Variants in ATP8A2 observed in about 807,000 individuals in gnomAD.
The protein encoded by ATP8A2 is phospholipid-transporting ATPase IB.
ATP8A2 carries 100 observed loss-of-function variants against 165.6 expected under a neutral mutation model. The observed-to-expected ratio is 0.60, with a 90% CI of 0.51 to 0.71. The LOEUF (loss-of-function observed/expected upper bound fraction) is 0.71. ATP8A2 is among the 30% of genes least tolerant of loss of function. ATP8A2 has a pLI of 0.00. For synonymous variants in ATP8A2, 543 were observed against 548.8 expected (o/e 0.99, Z 0.15); for missense variants, 1,227 against 1,479.5 (o/e 0.83, Z 2.80).
At chr13:25,950,067 A>C (rs899939667) in intron 33 of ATP8A2, among the ~76,000 whole-genome samples, 1 of 152,134 alleles carries the variant, frequency 6.6e-6, no homozygotes. Context: ...CCCAAAGTGC[A>C]GGGATTACAG....
At chr13:25,583,932 C>T (rs770035509) in intron 23 of ATP8A2, among the ~76,000 whole-genome samples, 4 of 152,150 alleles carry the variant, frequency 2.6e-5, no homozygotes, top group African/African-American at 9.7e-5. Flanking sequence ...TCTCCAAGAC[C>T]GCTAGAAGAT....
intron 23 of ATP8A2, among the ~76,000 whole-genome samples, chr13:25,582,174 G>A (rs988651180): frequency 1.3e-5 from 2 of 152,214 alleles, no homozygotes; most frequent in East Asian, 3.8e-4. Flanking sequence ...AAAAGAATTA[G>A]ACACACTTAC....
At chr13:25,804,569 A>G (rs1018793145) in intron 27 of ATP8A2, among the ~76,000 whole-genome samples, 3 of 152,182 alleles carry the variant, frequency 2.0e-5, no homozygotes, top group African/African-American at 7.2e-5. Flanking sequence ...TCTTATTGGT[A>G]CCTCTACACA....
intron 2 of ATP8A2, among the ~76,000 whole-genome samples, chr13:25,528,051 C>G (rs1053595076): frequency 6.6e-6 from 1 of 152,176 alleles, no homozygotes; most frequent in Non-Finnish European, 1.5e-5. Flanking sequence ...ATTTTGTCCT[C>G]TAAGCCATAG....
intron 27 of ATP8A2, among the ~76,000 whole-genome samples, chr13:25,777,214 T>C (rs1008130383): frequency 6.6e-6 from 1 of 152,212 alleles, no homozygotes; most frequent in African/African-American, 2.4e-5. Flanking sequence ...TATTTAGTAT[T>C]TCTCGGGGAT....
intron 1 of ATP8A2, among the ~76,000 whole-genome samples, chr13:25,450,634 C>T (rs956413177): frequency 1.2e-4 from 18 of 152,106 alleles, no homozygotes; most frequent in Non-Finnish European, 1.8e-4. Context: ...CGGGTTCACG[C>T]CATTCTCCTG....
rs533087178 is a variant in ATP8A2 at position 25,598,951 on chromosome 13, T to TA, written c.2211+9254dup. Among the ~76,000 whole-genome samples, 65 of 152,316 alleles carry TA rather than the reference T, an allele frequency of 4.3e-4. No homozygotes were observed. In the East Asian group the frequency reaches 9.5e-3, roughly 22 times the overall value. On this transcript the variant is annotated intron_variant, in intron 24 of 36. Coordinates refer to ENST00000381655, the MANE Select transcript of ATP8A2 (RefSeq NM_016529.6). ...GTTATAACCTGTTGGTGCTGCTGCC[T>TA]AAGACCCCAAGTGTTCCCTATGGTT...
At chr13:25,844,158 C>G (rs376525227) in intron 30 of ATP8A2, among the ~76,000 whole-genome samples, 3 of 151,824 alleles carry the variant, frequency 2.0e-5, no homozygotes, top group African/African-American at 7.3e-5. Context: ...ACCAGAGGAC[C>G]AGGATATGTC....
intron 26 of ATP8A2, among the ~76,000 whole-genome samples, chr13:25,769,521 A>G (rs138320865): frequency 6.6e-6 from 1 of 152,330 alleles, no homozygotes; most frequent in East Asian, 1.9e-4. Context: ...CTTGCTAATA[A>G]TAACCTCTCA....
chr13:25,613,333 A>G (rs1593650210), intron 24 of ATP8A2, among the ~76,000 whole-genome samples: 1 of 152,210 alleles, frequency 6.6e-6, no homozygotes, highest in Non-Finnish European at 1.5e-5. Flanking sequence ...CTGTAATCCC[A>G]GCACTTTGGA....
At chr13:25,731,982 C>A (rs1164945746) in intron 25 of ATP8A2, among the ~76,000 whole-genome samples, 1 of 152,160 alleles carries the variant, frequency 6.6e-6, no homozygotes, top group African/African-American at 2.4e-5. Flanking sequence ...GGCAGTGTGT[C>A]CTCTTTTTCA....
intron 2 of ATP8A2, among the ~76,000 whole-genome samples, chr13:25,473,120 AG>A (rs1244282597): frequency 3.9e-5 from 6 of 152,174 alleles, no homozygotes; most frequent in Non-Finnish European, 8.8e-5. Flanking sequence ...CAGCACCCCC[AG>A]GGGTATGCAC....
At chr13:25,809,987 G>A (rs760483462) in intron 27 of ATP8A2, among the ~76,000 whole-genome samples, 17 of 152,288 alleles carry the variant, frequency 1.1e-4, no homozygotes, top group Middle Eastern at 3.4e-3. Context: ...TGCTTCCTGG[G>A]GAGCTGGCTT....
intron 4 of ATP8A2, among the ~76,000 whole-genome samples, chr13:25,531,420 G>GAT (rs1207253334): frequency 6.1e-5 from 2 of 32,786 alleles, no homozygotes; most frequent in East Asian, 5.0e-4. Context: ...TTATATATAT[G>GAT]ATATATATAT....
intron 1 of ATP8A2, among the ~76,000 whole-genome samples, chr13:25,447,504 G>C (rs186269850): frequency 2.6e-5 from 4 of 152,328 alleles, no homozygotes; most frequent in Admixed American, 2.6e-4. Flanking sequence ...GAAGCTCACA[G>C]GGAGCAGGTG....
At chr13:25,782,357 G>T (rs1371489082) in intron 27 of ATP8A2, among the ~76,000 whole-genome samples, 1 of 152,174 alleles carries the variant, frequency 6.6e-6, no homozygotes, top group African/African-American at 2.4e-5. Context: ...TTCTGTAAAG[G>T]CTGTGGCTTC....
At chr13:25,836,084 G>A (rs1014406959) in intron 28 of ATP8A2, among the ~76,000 whole-genome samples, 2 of 152,184 alleles carry the variant, frequency 1.3e-5, no homozygotes, top group African/African-American at 2.4e-5. Flanking sequence ...AGTTCAAACA[G>A]GGGACTTCTG....
chr13:25,831,703 C>T (rs537385646), intron 28 of ATP8A2, among the ~76,000 whole-genome samples: 1 of 151,618 alleles, frequency 6.6e-6, no homozygotes, highest in African/African-American at 2.4e-5. Flanking sequence ...ATTAGCTGGG[C>T]GTGACGGTGT....
chr13:25,998,274 G>A (rs1015958544), intron 35 of ATP8A2, among the ~76,000 whole-genome samples: 2 of 152,192 alleles, frequency 1.3e-5, no homozygotes, highest in Non-Finnish European at 2.9e-5. Flanking sequence ...TCCCAGAAGG[G>A]AGGGGTCCTT....
Sources: allele counts gnomAD v4.1 joint callset (sites outside exome capture counted in the v4.1 genomes callset), GRCh38; gene constraint gnomAD v4.1.1; transcripts MANE v1.5; gene names NCBI Gene and HGNC (gene_info 2026-07-23, HGNC 2026-07-21).